METRNL: variants seen among roughly 807,000 people sequenced by gnomAD.
METRNL encodes the protein meteorin like, glial cell differentiation regulator, also known as meteorin-like protein.
A neutral mutation model predicts 17.4 loss-of-function variants in METRNL; 9 were observed. That is an observed-to-expected ratio of 0.52 (90% CI 0.31 to 0.90). The LOEUF (loss-of-function observed/expected upper bound fraction) is 0.90. Among genes scored for constraint, METRNL ranks in the 40% least tolerant of loss-of-function variants. The pLI is 0.05. For synonymous variants in METRNL, 215 were observed against 199.3 expected, an observed-to-expected ratio of 1.08 and a Z score of -0.66; for missense variants, 408 against 430.7, an observed-to-expected ratio of 0.95 and a Z score of 0.47.
intron 2 of METRNL, among the ~76,000 whole-genome samples, chr17:83,090,015 G>A (rs1568338439): frequency 6.6e-6 from 1 of 152,008 alleles, no homozygotes; most frequent in South Asian, 2.1e-4. Flanking sequence ...CGCTGAGGTC[G>A]TGGGGCCGTG....
chr17:83,083,895 AG>A (rs2038017817), intron 1 of METRNL, among the ~76,000 whole-genome samples: 1 of 152,198 alleles, frequency 6.6e-6, no homozygotes, highest in African/African-American at 2.4e-5. Context: ...TAAAACACTT[AG>A]TTGAAGTCAC....
intron 2 of METRNL, among the ~76,000 whole-genome samples, chr17:83,085,616 C>A (rs548881341): frequency 6.6e-6 from 1 of 152,314 alleles, no homozygotes; most frequent in South Asian, 2.1e-4. Context: ...CTAAAACCAC[C>A]TTTGAAAAGA....
At chr17:83,089,280 G>A (rs1488906438) in intron 2 of METRNL, among the ~76,000 whole-genome samples, 1 of 152,068 alleles carries the variant, frequency 6.6e-6, no homozygotes, top group African/African-American at 2.4e-5. Context: ...CCCCGTCACC[G>A]GCTCCTCTAA....
chr17:83,083,691 C>A (rs1450806171), intron 1 of METRNL, among the ~76,000 whole-genome samples: 1 of 152,226 alleles, frequency 6.6e-6, no homozygotes, highest in African/African-American at 2.4e-5. Context: ...ATGTGGCCTG[C>A]AGCCTATGAA....
At chr17:83,089,098 G>A (rs1026476018) in intron 2 of METRNL, among the ~76,000 whole-genome samples, 4 of 152,078 alleles carry the variant, frequency 2.6e-5, no homozygotes, top group Admixed American at 6.5e-5. Context: ...CAACACCCCC[G>A]GGGCACCCCA....
Position 83,079,933 on chromosome 17 carries a change from C to A in METRNL, c.118C>A (p.Leu40Met). The A allele has an allele frequency of 9.9e-7, 1 of 1,009,682 alleles. No homozygotes were observed. The allele number at this position is 1,009,682 out of a possible 1,614,324, so 62.5% of individuals were successfully genotyped here. A position where few individuals can be genotyped will look rare whatever the true frequency, so the allele number is the denominator to read the frequency against. ...PLLLLLLAGLLGGAGAQYSSD... is the reference protein window; with the variant it reads ...PLLLLLLAGLMGGAGAQYSSD... ...GCTGCTCCTGCTCCTGGCCGGGCTG[C>A]TGGGCGGCGCGGGCGCGCAGTACTC... is the stretch of plus-strand genomic sequence containing the variant. The change falls in exon 1 of 4, where the codon CTG (leucine) becomes ATG (methionine). Residue 40 changes from leucine to methionine, a missense_variant. Physicochemically the swap from Leu to Met is conservative, Grantham distance 15. Transcript: ENST00000320095.
At chr17:83,094,229 C>T (rs1471596747) in intron 3 of METRNL, 27 bp from the exon 4 acceptor site, 1 of 1,537,856 alleles carries the variant, frequency 6.5e-7, no homozygotes, top group African/African-American at 1.4e-5. Context: ...TTGCTCACTC[C>T]CTGTCCCCAT....
intron 2 of METRNL, among the ~76,000 whole-genome samples, chr17:83,089,985 C>G (rs1355616085): frequency 6.6e-6 from 1 of 151,996 alleles, no homozygotes; most frequent in African/African-American, 2.4e-5. Context: ...GCAGCGTCTC[C>G]ATCCTCCCCC....
At chr17:83,093,579 G>A (rs892255929) in intron 3 of METRNL, among the ~76,000 whole-genome samples, 3 of 152,250 alleles carry the variant, frequency 2.0e-5, no homozygotes, top group Non-Finnish European at 4.4e-5. Flanking sequence ...CAGCAGCCCA[G>A]AGCATCCTTG....
chr17:83,089,431 G>A (rs1191226048), intron 2 of METRNL, among the ~76,000 whole-genome samples: 1 of 152,128 alleles, frequency 6.6e-6, no homozygotes, highest in African/African-American at 2.4e-5. Flanking sequence ...GTCGGTGTCT[G>A]TCATTCTCAG....
At chr17:83,083,469 A>G (rs1045333695) in intron 1 of METRNL, among the ~76,000 whole-genome samples, 1 of 152,188 alleles carries the variant, frequency 6.6e-6, no homozygotes, top group Non-Finnish European at 1.5e-5. Flanking sequence ...TGTATCAGCC[A>G]CTCACCGAGT....
intron 1 of METRNL, 108 bp downstream of exon 1, chr17:83,080,093 G>T (rs923506331): frequency 6.0e-4 from 317 of 528,518 alleles, no homozygotes; most frequent in Non-Finnish European, 7.2e-4. Context: ...CGCGGGGCAG[G>T]GGCTCCGGGG....
Position 83,094,862 on chromosome 17 carries a change from A to T in METRNL, c.*287A>T, listed in dbSNP as rs2038185670. ...TAGGAAACAAATTCCCGTGTCTTAAAACGCCTTGGTGTGCCGTCTGATACT... is the reference window on the plus strand; with the variant it reads ...TAGGAAACAAATTCCCGTGTCTTAATACGCCTTGGTGTGCCGTCTGATACT... On this transcript the variant is annotated 3_prime_UTR_variant, in exon 4 of 4. Transcript: ENST00000320095. The T allele has an allele frequency of 8.9e-6, 3 of 338,386 alleles. No individual in the cohort carries two copies. Among genetic ancestry groups the T allele is most frequent in the Non-Finnish European group, 1.6e-5 (3 of 188,296 alleles). The allele number at this position is 338,386 out of a possible 1,614,324, so 21.0% of individuals were successfully genotyped here.
chr17:83,085,011 T>C lies in METRNL; in HGVS notation c.244T>C (p.Trp82Arg). 1.2e-6 allele frequency: 2 copies of C among 1,612,906 alleles called. No homozygotes were observed. The highest frequency in any genetic ancestry group is 1.7e-6 in the Non-Finnish European group (2 of 1,179,772). Reference sequence around the variant, plus strand: ...GCGCTGTGCGGCGGGTGCCGTGGAGTGGATGTACCCAACAGGTGCTCTCAT... The same window carrying C: ...GCGCTGTGCGGCGGGTGCCGTGGAGCGGATGTACCCAACAGGTGCTCTCAT... Reference protein sequence around the residue: ...YLRCAAGAVEWMYPTGALIVN... With the variant: ...YLRCAAGAVERMYPTGALIVN... The change falls in exon 2 of 4, where the codon TGG becomes CGG. Residue 82 changes from tryptophan to arginine, a missense_variant. Trp to Arg is a moderately radical substitution (Grantham distance 101). Transcript: ENST00000320095.
At position 83,094,821 on chromosome 17, in the gene METRNL, A is replaced by G; in HGVS notation, c.*246A>G. ...CTAAGTTATTATATTTTTTTTTGGTAAAAAAGAAATGTCCATAGGAAACAA... is the reference window on the plus strand; with the variant it reads ...CTAAGTTATTATATTTTTTTTTGGTGAAAAAGAAATGTCCATAGGAAACAA... On this transcript the variant is annotated 3_prime_UTR_variant, in exon 4 of 4. Coordinates refer to ENST00000320095, the MANE Select transcript of METRNL (RefSeq NM_001004431.3). The G allele has an allele frequency of 2.6e-6, 1 of 390,614 alleles. No individual in the cohort carries two copies. The highest frequency in any genetic ancestry group is 3.7e-5 in the East Asian group (1 of 27,230). The allele number at this position is 390,614 out of a possible 1,614,324, so 24.2% of individuals were successfully genotyped here.
At chr17:83,088,108 G>A (rs1440149208) in intron 2 of METRNL, among the ~76,000 whole-genome samples, 11 of 152,212 alleles carry the variant, frequency 7.2e-5, no homozygotes, top group Non-Finnish European at 1.5e-5. Flanking sequence ...GGGGCCAGGC[G>A]GGAGGGGACC....
chr17:83,079,944 G>C lies in METRNL; in HGVS notation c.129G>C (p.Ala43=), dbSNP rs2037962742. The C allele has an allele frequency of 2.0e-6, 2 of 1,013,560 alleles. No individual in the cohort carries two copies. Among genetic ancestry groups the C allele is most frequent in the Non-Finnish European group, 2.4e-6 (2 of 849,950 alleles). The allele number at this position is 1,013,560 out of a possible 1,614,324, so 62.8% of individuals were successfully genotyped here. ...LLLLAGLLGG[A]GAQYSSDRCS... is the part of the protein sequence containing the mutation. ...TCCTGGCCGGGCTGCTGGGCGGCGC[G>C]GGCGCGCAGTACTCCAGCGACCGGT... is the stretch of plus-strand genomic sequence containing the variant. Residue 43 remains alanine, a synonymous_variant, in exon 1 of 4, where the codon GCG becomes GCC. Transcript: ENST00000320095.
chr17:83,089,047 G>A (rs997553258), intron 2 of METRNL, among the ~76,000 whole-genome samples: 1 of 150,016 alleles, frequency 6.7e-6, no homozygotes, highest in African/African-American at 2.5e-5. Context: ...GGAAGAGGGA[G>A]GGAGAAAGGG....
intron 3 of METRNL, 32 bp from the exon 4 acceptor site, chr17:83,094,224 C>T (rs1396548308): frequency 2.0e-6 from 3 of 1,517,294 alleles, no homozygotes; most frequent in African/African-American, 2.8e-5. Flanking sequence ...TGCCTTTGCT[C>T]ACTCCCTGTC....
Sources: gnomAD v4.1 joint callset for allele counts (sites outside exome capture counted in the v4.1 genomes callset) on GRCh38, gnomAD v4.1.1 for gene constraint, MANE v1.5 for transcripts, NCBI Gene and HGNC (gene_info 2026-07-23, HGNC 2026-07-21) for gene names.